Variants in CYP2C18 observed in about 807,000 individuals in gnomAD.
CYP2C18 encodes the protein cytochrome P450 family 2 subfamily C member 18.
Under a neutral mutation model 41.3 loss-of-function variants are expected in CYP2C18, and 38 were observed. That is an observed-to-expected ratio of 0.92 (90% CI 0.71 to 1.21). The LOEUF is 1.21. Among genes scored for constraint, CYP2C18 ranks in the 50% most tolerant of loss-of-function variants. CYP2C18 has a pLI of 0.00. For missense variants in CYP2C18, 635 were observed against 591.4 expected (o/e 1.07, Z -0.77); for synonymous variants, 236 against 210.0 (o/e 1.12, Z -1.07).
chr10:94,704,032 G>C (rs780299231), intron 4 of CYP2C18, among the ~76,000 whole-genome samples: 3 of 152,190 alleles, frequency 2.0e-5, no homozygotes, highest in Non-Finnish European at 2.9e-5. Context: ...TCCCTACCCT[G>C]CTTCTGTTTG....
rs577595661 is a variant in CYP2C18 at position 94,735,403 on chromosome 10, C to A, written c.1432C>A (p.Arg478Ser). The A allele has an allele frequency of 3.7e-6, 6 of 1,613,654 alleles. No homozygotes were observed. In the Admixed American group the frequency reaches 6.7e-5, roughly 18 times the overall value. Residue 478 changes from arginine to serine, a missense_variant, in exon 9 of 9, where the codon CGT becomes AGT. Arg to Ser is a moderately radical substitution (Grantham distance 110). Transcript: ENST00000285979. ...CACCCCCATTGCCAATGCATTTGGT[C>A]GTGTGCCACCCTTGTACCAGCTCTG... Reference protein sequence around the residue: ...DITPIANAFGRVPPLYQLCFI... With the variant: ...DITPIANAFGSVPPLYQLCFI...
At chr10:94,699,799 G>A (rs1292067519) in intron 4 of CYP2C18, among the ~76,000 whole-genome samples, 1 of 152,158 alleles carries the variant, frequency 6.6e-6, no homozygotes, top group African/African-American at 2.4e-5. Context: ...CAAAATAAAT[G>A]TGCAAAATTC....
At chr10:94,723,805 C>T (rs182158696) in intron 6 of CYP2C18, among the ~76,000 whole-genome samples, 23 of 152,072 alleles carry the variant, frequency 1.5e-4, no homozygotes, top group Admixed American at 1.4e-3. Flanking sequence ...AAAAGAGAGT[C>T]AGTATTTAGA....
intron 5 of CYP2C18, among the ~76,000 whole-genome samples, chr10:94,711,624 T>C (rs1045464231): frequency 6.6e-6 from 1 of 152,078 alleles, no homozygotes; most frequent in African/African-American, 2.4e-5. Context: ...TTGCCCAGGC[T>C]GGAGTGGACC....
intron 4 of CYP2C18, 83 bp downstream of exon 4, chr10:94,695,160 T>C (rs1190807072): frequency 1.6e-6 from 2 of 1,260,200 alleles, no homozygotes; most frequent in Non-Finnish European, 2.2e-6. Context: ...TTTAAAATTA[T>C]ACTTTAAGTT....
intron 3 of CYP2C18, among the ~76,000 whole-genome samples, chr10:94,692,813 C>A (rs1847031124): frequency 2.0e-5 from 3 of 152,128 alleles, no homozygotes; most frequent in African/African-American, 4.8e-5. Context: ...AAATGTGGCA[C>A]ATATACACCA....
chr10:94,687,867 A>G lies in CYP2C18; in HGVS notation c.266A>G (p.Asp89Gly), dbSNP rs372444081. 8 of 1,613,702 alleles carry G rather than the reference A, an allele frequency of 5.0e-6. No individual in the cohort carries two copies. In the African/African-American group the frequency reaches 1.1e-4, roughly 22 times the overall value. ...GYEAVKEALI[D>G]HGEEFSGRGS... The stretch of plus-strand genomic sequence containing the variant: ...GAAGCAGTGAAGGAGGCCCTGATTG[A>G]TCATGGAGAGGAGTTTTCTGGAAGA... Residue 89 changes from aspartate (D) to glycine (G), a missense_variant, in exon 2 of 9, where the codon GAT (aspartate) becomes GGT (glycine). Asp to Gly is a moderately conservative substitution (Grantham distance 94). Transcript: ENST00000285979.
At position 94,687,783 on chromosome 10, in the gene CYP2C18, A is replaced by G. The variant is rs1846916914; in HGVS notation, c.182A>G (p.Tyr61Cys). The stretch of plus-strand genomic sequence containing the variant: ...TTCTATGTTTAGTTCTCAAAAGTCT[A>G]TGGCCCTGTGTTCACTGTGTATTTT... ...SKSLTNFSKV[Y>C]GPVFTVYFGL... Residue 61 changes from tyrosine (Y) to cysteine (C), a missense_variant, in exon 2 of 9, where the codon TAT becomes TGT. Physicochemically the swap from Tyr to Cys is radical, Grantham distance 194 (BLOSUM62 -2). Coordinates refer to ENST00000285979, the MANE Select transcript of CYP2C18 (RefSeq NM_000772.3). The G allele has an allele frequency of 2.5e-6, 4 of 1,612,880 alleles. No individual in the cohort carries two copies. Among genetic ancestry groups the G allele is most frequent in the Non-Finnish European group, 3.4e-6 (4 of 1,179,396 alleles).
intron 6 of CYP2C18, among the ~76,000 whole-genome samples, chr10:94,721,721 C>CT (rs758839014): frequency 2.6e-5 from 4 of 152,024 alleles, no homozygotes; most frequent in Non-Finnish European, 4.4e-5. Flanking sequence ...TTTTGACTTT[C>CT]TATTTTGAGC....
chr10:94,695,757 A>G (rs1452574464), intron 4 of CYP2C18, among the ~76,000 whole-genome samples: 1 of 152,106 alleles, frequency 6.6e-6, no homozygotes, highest in Non-Finnish European at 1.5e-5. Context: ...GACAGATGGC[A>G]CCTGGAAAAT....
Position 94,683,808 on chromosome 10 carries a change from G to GAGA in CYP2C18, c.-9_-7dup. On this transcript the variant is annotated 5_prime_UTR_variant, in exon 1 of 9. Coordinates refer to ENST00000285979, the MANE Select transcript of CYP2C18 (RefSeq NM_000772.3). ...AAGCCCGCAGTTGTCTTACTAAGAA[G>GAGA]AGAAGCCTTCAATGGATCCAGCTGT... The GAGA allele has an allele frequency of 1.3e-6, 2 of 1,578,228 alleles. No homozygotes were observed. Among genetic ancestry groups the GAGA allele is most frequent in the Non-Finnish European group, 1.7e-6 (2 of 1,162,710 alleles).
rs1846829885 is a variant in CYP2C18, at chr10:94,683,802, TAAGAA to T, written c.-17_-13del. 1 of 1,565,414 alleles carries T rather than the reference TAAGAA, an allele frequency of 6.4e-7. No individual in the cohort carries two copies. Among genetic ancestry groups the T allele is most frequent in the Non-Finnish European group, 8.6e-7 (1 of 1,156,396 alleles). Reference sequence around the variant, plus strand: ...AAGTGAAAGCCCGCAGTTGTCTTACTAAGAAGAGAAGCCTTCAATGGATCCAGCTG... The same window carrying T: ...AAGTGAAAGCCCGCAGTTGTCTTACTGAGAAGCCTTCAATGGATCCAGCTG... On this transcript the variant is annotated 5_prime_UTR_variant, in exon 1 of 9. Coordinates refer to ENST00000285979, the MANE Select transcript of CYP2C18 (RefSeq NM_000772.3).
At chr10:94,695,788 A>G (rs961548097) in intron 4 of CYP2C18, among the ~76,000 whole-genome samples, 3 of 152,112 alleles carry the variant, frequency 2.0e-5, no homozygotes, top group Admixed American at 6.5e-5. Context: ...CCACCCTAAT[A>G]TGGTGCTTTT....
At chr10:94,686,812 G>T (rs1256455017) in intron 1 of CYP2C18, among the ~76,000 whole-genome samples, 1 of 152,094 alleles carries the variant, frequency 6.6e-6, no homozygotes, top group Non-Finnish European at 1.5e-5. Flanking sequence ...AAATGATAAA[G>T]GCCTGCTGCT....
intron 6 of CYP2C18, 24 bp from the exon 7 acceptor site, chr10:94,724,322 C>A (rs770558307): frequency 6.2e-7 from 1 of 1,611,812 alleles, no homozygotes; most frequent in African/African-American, 1.3e-5. Flanking sequence ...CCTTTTCCAT[C>A]ATTTCTTACT....
At chr10:94,713,815 C>G (rs973771642) in intron 5 of CYP2C18, among the ~76,000 whole-genome samples, 7 of 152,198 alleles carry the variant, frequency 4.6e-5, no homozygotes, top group Admixed American at 3.9e-4. Flanking sequence ...TAAAAGTGTT[C>G]CTATTTCTCC....
intron 4 of CYP2C18, among the ~76,000 whole-genome samples, chr10:94,701,731 G>C (rs1847250126): frequency 1.3e-5 from 2 of 152,200 alleles, no homozygotes; most frequent in Non-Finnish European, 2.9e-5. Flanking sequence ...TATGATGGCA[G>C]GTCAACTTTC....
chr10:94,715,532 C>A (rs1847523708), intron 5 of CYP2C18, among the ~76,000 whole-genome samples: 1 of 152,102 alleles, frequency 6.6e-6, no homozygotes, highest in Admixed American at 6.5e-5. Context: ...GGGATGAAGC[C>A]AACTTGATCA....
intron 1 of CYP2C18, among the ~76,000 whole-genome samples, chr10:94,684,993 T>C (rs1219413910): frequency 1.3e-5 from 2 of 151,862 alleles, no homozygotes; most frequent in African/African-American, 2.4e-5. Context: ...ATGTCTTTTT[T>C]TGAAAAATGT....
Sources: gnomAD v4.1 joint callset for allele counts (sites outside exome capture counted in the v4.1 genomes callset) on GRCh38, gnomAD v4.1.1 for gene constraint, MANE v1.5 for transcripts, NCBI Gene and HGNC (gene_info 2026-07-23, HGNC 2026-07-21) for gene names.